HPSE2: variants seen among roughly 807,000 people sequenced by gnomAD.
The protein encoded by HPSE2 is heparanase 2 (inactive).
A neutral mutation model predicts 60.5 loss-of-function variants in HPSE2; 38 were observed. The ratio of observed to expected loss-of-function variants is 0.63; its 90% CI spans 0.48 to 0.82. The LOEUF (loss-of-function observed/expected upper bound fraction) is 0.82. Ranked by LOEUF, HPSE2 falls within the 40% of genes least tolerant of loss-of-function variation. The pLI is 0.00. For synonymous variants in HPSE2, 295 were observed against 293.2 expected (o/e 1.01, Z -0.06); for missense variants, 713 against 740.4 (o/e 0.96, Z 0.43).
chr10:98,933,360 T>C (rs1589385905), intron 3 of HPSE2, among the ~76,000 whole-genome samples: 1 of 144,130 alleles, frequency 6.9e-6, no homozygotes, highest in Non-Finnish European at 1.5e-5. Context: ...CTGAGGAGTG[T>C]TTTACTTCCA....
intron 10 of HPSE2, among the ~76,000 whole-genome samples, chr10:98,489,521 T>C (rs1296219747): frequency 6.6e-6 from 1 of 152,206 alleles, no homozygotes; most frequent in Non-Finnish European, 1.5e-5. Context: ...ACACTGGAAA[T>C]GGCTCTAAAG....
chr10:98,776,079 T>C (rs1407513341), intron 3 of HPSE2, among the ~76,000 whole-genome samples: 1 of 152,020 alleles, frequency 6.6e-6, no homozygotes, highest in Non-Finnish European at 1.5e-5. Flanking sequence ...GCCACAGCCT[T>C]CCCATTTAGC....
chr10:98,635,391 C>G (rs1946470287), intron 7 of HPSE2, among the ~76,000 whole-genome samples: 2 of 152,108 alleles, frequency 1.3e-5, no homozygotes, highest in African/African-American at 2.4e-5. Context: ...TATGTATCCA[C>G]AAGAAAATAA....
At chr10:98,555,416 T>C (rs1349829774) in intron 9 of HPSE2, among the ~76,000 whole-genome samples, 1 of 152,216 alleles carries the variant, frequency 6.6e-6, no homozygotes, top group Non-Finnish European at 1.5e-5. Context: ...ATCTCCCCTC[T>C]GAGGGCTGTT....
intron 3 of HPSE2, among the ~76,000 whole-genome samples, chr10:99,015,261 G>A (rs1198423118): frequency 2.0e-5 from 3 of 152,002 alleles, no homozygotes; most frequent in African/African-American, 7.3e-5. Context: ...TCAGTGTGGC[G>A]ATTCCTCAGG....
intron 3 of HPSE2, among the ~76,000 whole-genome samples, chr10:99,031,055 T>C (rs1460739000): frequency 6.6e-6 from 1 of 152,082 alleles, no homozygotes; most frequent in Admixed American, 6.6e-5. Flanking sequence ...ATAGAAAGAA[T>C]AAACAAACCC....
At chr10:98,920,955 A>G (rs1954265747) in intron 3 of HPSE2, among the ~76,000 whole-genome samples, 2 of 152,164 alleles carry the variant, frequency 1.3e-5, no homozygotes, top group African/African-American at 2.4e-5. Flanking sequence ...TTTGGATGAC[A>G]TTGCCTTAGA....
At chr10:99,098,171 T>C (rs1008166570) in intron 3 of HPSE2, among the ~76,000 whole-genome samples, 1 of 152,164 alleles carries the variant, frequency 6.6e-6, no homozygotes, top group African/African-American at 2.4e-5. Flanking sequence ...CAACCATGTG[T>C]TGGAAATAAA....
At chr10:98,954,560 T>C (rs1384154292) in intron 3 of HPSE2, among the ~76,000 whole-genome samples, 2 of 152,220 alleles carry the variant, frequency 1.3e-5, no homozygotes, top group Non-Finnish European at 2.9e-5. Context: ...GCATTTCTTA[T>C]ATCACCAGTG....
At chr10:98,951,229 C>T (rs1036795083) in intron 3 of HPSE2, among the ~76,000 whole-genome samples, 3 of 152,060 alleles carry the variant, frequency 2.0e-5, no homozygotes, top group Admixed American at 6.6e-5. Context: ...AAAGAAATGC[C>T]GCAGACTTGT....
intron 9 of HPSE2, among the ~76,000 whole-genome samples, chr10:98,513,490 G>T (rs781051085): frequency 6.6e-6 from 1 of 152,126 alleles, no homozygotes; most frequent in Non-Finnish European, 1.5e-5. Flanking sequence ...CACATAAGGG[G>T]CACCAGAAGT....
chr10:99,169,989 T>C (rs1171738847), intron 2 of HPSE2, among the ~76,000 whole-genome samples: 1 of 152,086 alleles, frequency 6.6e-6, no homozygotes, highest in African/African-American at 2.4e-5. Context: ...CCATATGCAA[T>C]ACATAAATGA....
intron 6 of HPSE2, among the ~76,000 whole-genome samples, chr10:98,665,995 G>A (rs1947353438): frequency 6.6e-6 from 1 of 152,074 alleles, no homozygotes; most frequent in Non-Finnish European, 1.5e-5. Flanking sequence ...GTGACAAGCT[G>A]GATAAAATGA....
chr10:99,276,804 C>A, the HPSE2 span, among the ~76,000 whole-genome samples: 53 of 152,120 alleles, frequency 3.5e-4, no homozygotes, highest in East Asian at 7.9e-3. Flanking sequence ...CCTAGTATGT[C>A]AAATTAGATG....
intron 5 of HPSE2, among the ~76,000 whole-genome samples, chr10:98,715,357 A>T (rs893983416): frequency 4.1e-4 from 63 of 152,158 alleles, no homozygotes; most frequent in African/African-American, 1.5e-3. Flanking sequence ...CTTTTACTCC[A>T]TAAATACCAT....
At chr10:99,002,365 C>T (rs1467830399) in intron 3 of HPSE2, among the ~76,000 whole-genome samples, 3 of 152,020 alleles carry the variant, frequency 2.0e-5, no homozygotes, top group South Asian at 2.1e-4. Context: ...CCAAAAACTA[C>T]GGTATGGATA....
intron 9 of HPSE2, among the ~76,000 whole-genome samples, chr10:98,521,222 A>C (rs1023985142): frequency 6.6e-6 from 1 of 152,220 alleles, no homozygotes; most frequent in African/African-American, 2.4e-5. Context: ...AATGGAAGAA[A>C]ATTTTTGCAA....
intron 9 of HPSE2, among the ~76,000 whole-genome samples, chr10:98,511,818 T>C (rs963897823): frequency 1.3e-5 from 2 of 152,212 alleles, no homozygotes; most frequent in Non-Finnish European, 2.9e-5. Context: ...TCCTGGGCAC[T>C]GACAGGTCTT....
chr10:98,566,751 T>C (rs1021677454), intron 9 of HPSE2, among the ~76,000 whole-genome samples: 4 of 152,036 alleles, frequency 2.6e-5, no homozygotes, highest in Admixed American at 6.6e-5. Flanking sequence ...GAGAACTGGG[T>C]TCATTTCTCC....
Sources: allele counts gnomAD v4.1 joint callset (sites outside exome capture counted in the v4.1 genomes callset), GRCh38; gene constraint gnomAD v4.1.1; transcripts MANE v1.5; gene names NCBI Gene and HGNC (gene_info 2026-07-23, HGNC 2026-07-21).